NRXN1: variants seen among roughly 807,000 people sequenced by gnomAD.
NRXN1 encodes neurexin 1.
NRXN1 carries 39 observed loss-of-function variants against 150.9 expected under a neutral mutation model. That is an observed-to-expected ratio of 0.26 (90% CI 0.20 to 0.34). The LOEUF is 0.34. NRXN1 is among the 10% of genes least tolerant of loss of function. NRXN1 has a pLI of 1.00. For missense variants in NRXN1, 1,815 were observed against 1,949.9 expected (o/e 0.93, Z 1.30); for synonymous variants, 924 against 757.0 (o/e 1.22, Z -3.62).
At chr2:50,997,009 C>CT (rs1017334311) in intron 2 of NRXN1, among the ~76,000 whole-genome samples, 21 of 151,932 alleles carry the variant, frequency 1.4e-4, no homozygotes, top group Admixed American at 7.2e-4. Flanking sequence ...ACAATTTTTA[C>CT]TTTTTTTTCA....
chr2:50,562,466 G>C (rs1021509125), intron 8 of NRXN1, among the ~76,000 whole-genome samples: 1 of 151,690 alleles, frequency 6.6e-6, no homozygotes, highest in Non-Finnish European at 1.5e-5. Flanking sequence ...ATTACTTTTT[G>C]ATCATGCTCA....
intron 5 of NRXN1, among the ~76,000 whole-genome samples, chr2:50,706,472 T>C (rs939478331): frequency 4.0e-5 from 6 of 151,888 alleles, no homozygotes; most frequent in Non-Finnish European, 8.8e-5. Context: ...TTGATAGCAA[T>C]TGGAGAATTA....
At chr2:50,914,079 A>C (rs1684889040) in intron 5 of NRXN1, among the ~76,000 whole-genome samples, 1 of 151,724 alleles carries the variant, frequency 6.6e-6, no homozygotes, top group Non-Finnish European at 1.5e-5. Context: ...CAGGCACTGT[A>C]GTACTGTTGA....
chr2:49,947,514 C>CTTTTTTTTT (rs199991365), intron 21 of NRXN1, among the ~76,000 whole-genome samples: 20 of 108,998 alleles, frequency 1.8e-4, no homozygotes, highest in East Asian at 2.5e-4. Flanking sequence ...TTTTTTTTTT[C>CTTTTTTTTT]TTTTTTTTTT....
At position 50,497,626 on chromosome 2, in the gene NRXN1, G is replaced by A; in HGVS notation, c.2586C>T (p.Pro862=). The stretch of plus-strand genomic sequence containing the variant: ...TCTGCAGGTGTCCAATGAAGTTGGA[G>A]GGGACAGAAGAAAGATACCGTCGTT... ...ITERRYLSSV[P]SNFIGHLQSL... is the part of the protein sequence containing the mutation. Residue 862 remains proline, a synonymous_variant, in exon 14 of 23, where the codon CCC becomes CCT. Transcript: ENST00000401669. 6.2e-7 allele frequency: 1 copy of A among 1,613,932 alleles called. No individual in the cohort carries two copies.
At chr2:50,787,595 CAACAACAACAAA>C (rs1241200969) in intron 5 of NRXN1, among the ~76,000 whole-genome samples, 1 of 143,748 alleles carries the variant, frequency 7.0e-6, no homozygotes, top group Non-Finnish European at 1.6e-5. Flanking sequence ...ACAACAACAA[CAACAACAACAAA>C]AACAAGAAAA....
At chr2:50,269,228 G>A (rs1422195800) in intron 17 of NRXN1, among the ~76,000 whole-genome samples, 1 of 152,106 alleles carries the variant, frequency 6.6e-6, no homozygotes, top group Non-Finnish European at 1.5e-5. Context: ...TGGGTCACAT[G>A]GTCCCCTGGC....
At chr2:50,964,072 C>T (rs1693657134) in intron 2 of NRXN1, 1 of 369,238 alleles carries the variant, frequency 2.7e-6, no homozygotes, top group Non-Finnish European at 5.4e-6. Context: ...TATTAAGATC[C>T]AGTTATGCTA....
intron 5 of NRXN1, among the ~76,000 whole-genome samples, chr2:50,739,047 G>A (rs1221794041): frequency 6.6e-6 from 1 of 152,110 alleles, no homozygotes; most frequent in Non-Finnish European, 1.5e-5. Context: ...TAAACTCTCA[G>A]CAGGAATTTT....
intron 12 of NRXN1, chr2:50,526,637 T>C (rs1288461951): frequency 6.6e-6 from 1 of 152,140 alleles, no homozygotes; most frequent in African/African-American, 2.4e-5. Flanking sequence ...TTTATGGAAC[T>C]TGGGTTTCTT....
intron 5 of NRXN1, among the ~76,000 whole-genome samples, chr2:50,789,815 T>C (rs1312048581): frequency 1.3e-5 from 2 of 152,140 alleles, no homozygotes; most frequent in African/African-American, 4.8e-5. Context: ...AAATCAAACA[T>C]GCAAGATGTT....
intron 5 of NRXN1, among the ~76,000 whole-genome samples, chr2:50,905,741 T>A (rs1259362578): frequency 1.3e-5 from 2 of 152,160 alleles, no homozygotes; most frequent in Non-Finnish European, 2.9e-5. Context: ...ATATGGTCAT[T>A]ATATTTTATA....
chr2:50,823,543 G>A (rs1670025446), intron 5 of NRXN1, among the ~76,000 whole-genome samples: 1 of 152,076 alleles, frequency 6.6e-6, no homozygotes, highest in South Asian at 2.1e-4. Flanking sequence ...CCATAGCACT[G>A]CTTTTTCTAT....
intron 22 of NRXN1, among the ~76,000 whole-genome samples, chr2:49,924,590 C>T (rs753643644): frequency 1.3e-5 from 2 of 152,148 alleles, no homozygotes; most frequent in Non-Finnish European, 2.9e-5. Context: ...TGAAACACTT[C>T]AACTGTGCCA....
chr2:50,635,483 C>T (rs80171895), intron 5 of NRXN1, among the ~76,000 whole-genome samples: 17,008 of 151,972 alleles, frequency 0.11, 990 homozygotes, highest in African/African-American at 0.13. Flanking sequence ...AGATTAAATT[C>T]TTCTTGTCCC....
chr2:50,017,584 T>G (rs1418895504), intron 21 of NRXN1, among the ~76,000 whole-genome samples: 1 of 151,928 alleles, frequency 6.6e-6, no homozygotes, highest in Non-Finnish European at 1.5e-5. Flanking sequence ...AACAGCTCAA[T>G]GAATTCTGGC....
intron 5 of NRXN1, among the ~76,000 whole-genome samples, chr2:50,740,842 G>T (rs748037446): frequency 1.3e-5 from 2 of 152,156 alleles, no homozygotes; most frequent in African/African-American, 2.4e-5. Context: ...ACTAAGAACA[G>T]TGACTTGAAG....
chr2:50,886,541 T>C (rs376343940), intron 5 of NRXN1, among the ~76,000 whole-genome samples: 34 of 151,556 alleles, frequency 2.2e-4, no homozygotes, highest in African/African-American at 8.2e-4. Context: ...ATGTAGAAGA[T>C]TACAAACAAA....
chr2:50,608,706 A>C (rs1485230804), intron 8 of NRXN1, among the ~76,000 whole-genome samples: 2 of 152,110 alleles, frequency 1.3e-5, no homozygotes, highest in Admixed American at 6.6e-5. Context: ...TGGGGAAGAA[A>C]ATGTTACTGA....
Sources: allele counts gnomAD v4.1 joint callset (sites outside exome capture counted in the v4.1 genomes callset), GRCh38; gene constraint gnomAD v4.1.1; transcripts MANE v1.5; gene names NCBI Gene and HGNC (gene_info 2026-07-23, HGNC 2026-07-21).